The following KIAA0586 variants were observed in gnomAD, a reference collection of about 807,000 sequenced individuals.
KIAA0586 encodes the protein KIAA0586.
In KIAA0586, 144 loss-of-function variants were observed where a neutral mutation model predicts 169.8. The ratio of observed to expected loss-of-function variants is 0.85; its 90% confidence interval spans 0.74 to 0.97. The LOEUF (loss-of-function observed/expected upper bound fraction) is 0.97, where lower values mean the gene tolerates loss of function less well. KIAA0586 is among the 50% of genes least tolerant of loss of function. The pLI is 0.00. For synonymous variants in KIAA0586, 625 were observed against 612.4 expected (o/e 1.02, Z -0.30); for missense variants, 1,854 against 1,823.0 (o/e 1.02, Z -0.31).
At position 58,465,858 on chromosome 14, in the gene KIAA0586, A is replaced by G; in HGVS notation, c.2083A>G (p.Thr695Ala). 6.2e-7 allele frequency: 1 copy of G among 1,609,630 alleles called. No individual in the cohort carries two copies. The highest frequency in any genetic ancestry group is 1.3e-5 in the African/African-American group (1 of 74,902). The change falls in exon 15 of 31, where the codon ACA becomes GCA. Residue 695 changes from threonine to alanine, a missense_variant. Physicochemically the swap from Thr to Ala is moderately conservative, Grantham distance 58. Transcript: ENST00000652326. The stretch of plus-strand genomic sequence containing the variant: ...AGGCACTAAGGTAAAGTCAATAAGA[A>G]CACAGACTGACTTCTATGCAACAAA... ...VKGTKVKSIR[T>A]QTDFYATKPK...
chr14:58,461,720 G>A (rs192843752), intron 14 of KIAA0586, among the ~76,000 whole-genome samples: 4 of 152,312 alleles, frequency 2.6e-5, no homozygotes, highest in African/African-American at 7.2e-5. Flanking sequence ...AGACCTAGGT[G>A]CATTATGAAC....
intron 29 of KIAA0586, among the ~76,000 whole-genome samples, chr14:58,525,888 G>A (rs761256271): frequency 2.0e-4 from 30 of 152,138 alleles, no homozygotes; most frequent in Non-Finnish European, 3.1e-4. Flanking sequence ...AGGGGCGTCC[G>A]CCATTACTGA....
rs1000303570 is a variant in KIAA0586 at position 58,549,139 on chromosome 14, TC to T, written c.*1208del. On this transcript the variant is annotated 3_prime_UTR_variant, in exon 31 of 31. Coordinates refer to ENST00000652326, the MANE Select transcript of KIAA0586 (RefSeq NM_001329943.3). ...GAAAAAAATTTACCTCCCAGAAAAA[TC>T]ATTTTCTGTCACAACTGAATTTCAA... 6.6e-6 allele frequency: 1 copy of T among 152,052 alleles called. No individual in the cohort carries two copies. Among genetic ancestry groups the T allele is most frequent in the African/African-American group, 2.4e-5 (1 of 41,392 alleles). The allele number at this position is 152,052 out of a possible 1,614,324, so 9.4% of individuals were successfully genotyped here.
chr14:58,499,579 G>A (rs1352320589), intron 27 of KIAA0586, among the ~76,000 whole-genome samples: 3 of 150,808 alleles, frequency 2.0e-5, no homozygotes, highest in Non-Finnish European at 4.4e-5. Context: ...TTTTTTTGGA[G>A]ACGGAGTCTT....
At position 58,442,737 on chromosome 14, in the gene KIAA0586, A is replaced by G; in HGVS notation, c.442A>G (p.Lys148Glu). ...AAGCATGCCTGTTTTTAAGGAAGTA[A>G]AGGTACATCTGTTAGAAGATGCAGG... Reference protein sequence around the residue: ...AQSMPVFKEVKVHLLEDAGIE... With the variant: ...AQSMPVFKEVEVHLLEDAGIE... The change falls in exon 5 of 31, where the codon AAG (lysine) becomes GAG (glutamate). Residue 148 changes from lysine to glutamate, a missense_variant. Lys to Glu is a moderately conservative substitution (Grantham distance 56, BLOSUM62 1). Transcript: ENST00000652326. The G allele has an allele frequency of 4.4e-6, 7 of 1,583,856 alleles. No individual in the cohort carries two copies. Among genetic ancestry groups the G allele is most frequent in the Non-Finnish European group, 6.0e-6 (7 of 1,163,546 alleles).
At chr14:58,530,258 C>G (rs778299875) in intron 29 of KIAA0586, among the ~76,000 whole-genome samples, 17 of 152,138 alleles carry the variant, frequency 1.1e-4, no homozygotes, top group Non-Finnish European at 1.5e-4. Context: ...TGAAAAAGAC[C>G]ATACTGCCCA....
At chr14:58,499,943 A>G (rs1354268939) in intron 27 of KIAA0586, among the ~76,000 whole-genome samples, 1 of 152,236 alleles carries the variant, frequency 6.6e-6, no homozygotes, top group Non-Finnish European at 1.5e-5. Flanking sequence ...AGGTTAAATT[A>G]GATAATACTG....
rs551531986 is a variant in KIAA0586 at position 58,458,569 on chromosome 14, A to T, written c.1656+24A>T. The T allele has an allele frequency of 1.3e-5, 17 of 1,282,782 alleles. No individual in the cohort carries two copies. The Admixed American group carries it at 3.1e-4, about 24-fold the overall frequency. The allele number at this position is 1,282,782 out of a possible 1,614,324, so 79.5% of individuals were successfully genotyped here. A position where few individuals can be genotyped will look rare whatever the true frequency, so the allele number is the denominator to read the frequency against. On this transcript the variant is annotated intron_variant, in intron 12 of 30. Coordinates refer to ENST00000652326, the MANE Select transcript of KIAA0586 (RefSeq NM_001329943.3). ...AGGTATGTCTTGGAAAAAAACTGAA[A>T]ATTAAGTGAATTCTCAGAAGATAAT...
At chr14:58,486,965 G>A (rs775483301) in intron 21 of KIAA0586, 42 bp from the exon 22 acceptor site, 6 of 1,456,686 alleles carry the variant, frequency 4.1e-6, no homozygotes. Context: ...ACTTTTATTT[G>A]GGTGATTATA....
intron 24 of KIAA0586, 26 bp from the exon 25 acceptor site, chr14:58,490,138 C>G: frequency 9.5e-7 from 1 of 1,047,254 alleles, no homozygotes; most frequent in Non-Finnish European, 1.4e-6. Context: ...TTTTTTTTTT[C>G]TAAACTTTTA....
In KIAA0586 at chr14:58,512,510, TA is replaced by T; in HGVS notation, c.4324-9del. ...AAAATAATATTATGACTTCATATCT[TA>T]AATTATTTAGTACCAACTAAAGCAA... On this transcript the variant is annotated splice_polypyrimidine_tract_variant and intron_variant, in intron 28 of 30. Coordinates refer to ENST00000652326, the MANE Select transcript of KIAA0586 (RefSeq NM_001329943.3). 2 of 1,385,824 alleles carry T rather than the reference TA, an allele frequency of 1.4e-6. No homozygotes were observed. Among genetic ancestry groups the T allele is most frequent in the Non-Finnish European group, 1.9e-6 (2 of 1,033,942 alleles). The allele number at this position is 1,385,824 out of a possible 1,614,324, so 85.8% of individuals were successfully genotyped here.
At position 58,432,312 on chromosome 14, in the gene KIAA0586, GA is replaced by G. The variant is rs2037444170; in HGVS notation, c.341-75del. The G allele has an allele frequency of 1.1e-5, 10 of 891,960 alleles. No individual in the cohort carries two copies. The Middle Eastern group carries it at 1.3e-3, about 120-fold the overall frequency. The allele number at this position is 891,960 out of a possible 1,614,324, so 55.3% of individuals were successfully genotyped here. A position where few individuals can be genotyped will look rare whatever the true frequency, so the allele number is the denominator to read the frequency against. The stretch of plus-strand genomic sequence containing the variant: ...CCTAAACATTCTTTTAGTTAAAAAA[GA>G]TTTTTTTAGTAGCTTATTAAAGTTT... On this transcript the variant is annotated intron_variant, in intron 3 of 30. Transcript: ENST00000652326.
chr14:58,459,944 A>G lies in KIAA0586; in HGVS notation c.1758A>G (p.Thr586=). The G allele has an allele frequency of 1.3e-6, 2 of 1,532,672 alleles. No individual in the cohort carries two copies. Among genetic ancestry groups the G allele is most frequent in the Non-Finnish European group, 1.7e-6 (2 of 1,144,134 alleles). 94.9% of individuals were successfully genotyped at this position (1,532,672 alleles called of 1,614,324 possible). A position where few individuals can be genotyped will look rare whatever the true frequency, so the allele number is the denominator to read the frequency against. The change falls in exon 13 of 31, where the codon ACA becomes ACG. Residue 586 remains threonine (T), a synonymous_variant. Transcript: ENST00000652326. Reference sequence around the variant, plus strand: ...TGACTAAAGATATTAGAACCAACACACAAGATAAAACTGTCAACAAATCTG... The same window carrying G: ...TGACTAAAGATATTAGAACCAACACGCAAGATAAAACTGTCAACAAATCTG... The part of the protein sequence containing the change: ...QNMTKDIRTN[T]QDKTVNKSVI...
intron 8 of KIAA0586, among the ~76,000 whole-genome samples, chr14:58,452,893 A>G (rs1159624217): frequency 6.6e-6 from 1 of 151,268 alleles, no homozygotes; most frequent in Non-Finnish European, 1.5e-5. Context: ...TTATGGCCTA[A>G]ATTGTAGGCT....
chr14:58,453,567 G>T, intron 9 of KIAA0586, 94 bp downstream of exon 9: 2 of 811,104 alleles, frequency 2.5e-6, no homozygotes, highest in Non-Finnish European at 3.7e-6. Flanking sequence ...TTATAGCATT[G>T]CTTCTTAAAT....
chr14:58,466,464 A>C (rs949943112), intron 15 of KIAA0586, among the ~76,000 whole-genome samples: 1 of 152,166 alleles, frequency 6.6e-6, no homozygotes, highest in African/African-American at 2.4e-5. Context: ...GGCTGGGCAC[A>C]GTGGCTCATG....
intron 29 of KIAA0586, among the ~76,000 whole-genome samples, chr14:58,528,893 T>TA (rs1040669670): frequency 4.9e-4 from 74 of 151,924 alleles, no homozygotes; most frequent in African/African-American, 1.6e-3. Context: ...ACAAAACCCT[T>TA]AAAAAAATCA....
Position 58,460,045 on chromosome 14 carries a change from C to T in KIAA0586, c.1859C>T (p.Ser620Leu). Residue 620 changes from serine to leucine, a missense_variant, in exon 13 of 31, where the codon TCA (serine) becomes TTA (leucine). Physicochemically the swap from Ser to Leu is moderately radical, Grantham distance 145 (BLOSUM62 -2). Coordinates refer to ENST00000652326, the MANE Select transcript of KIAA0586 (RefSeq NM_001329943.3). Reference sequence around the variant, plus strand: ...CTACCTATGAGGGGCATGCCTGCTTCAAGTTTACAGAAAGAGAGAAAGGAA... The same window carrying T: ...CTACCTATGAGGGGCATGCCTGCTTTAAGTTTACAGAAAGAGAGAAAGGAA... ...RNLPMRGMPA[S>L]SLQKERKEGL... 1 of 1,526,906 alleles carries T rather than the reference C, an allele frequency of 6.5e-7. No homozygotes were observed. Among genetic ancestry groups the T allele is most frequent in the Non-Finnish European group, 8.8e-7 (1 of 1,140,838 alleles). 94.6% of individuals were successfully genotyped at this position (1,526,906 alleles called of 1,614,324 possible). A position where few individuals can be genotyped will look rare whatever the true frequency, so the allele number is the denominator to read the frequency against.
intron 30 of KIAA0586, among the ~76,000 whole-genome samples, chr14:58,546,840 A>G (rs762506805): frequency 1.3e-5 from 2 of 152,136 alleles, no homozygotes; most frequent in African/African-American, 2.4e-5. Context: ...ATTTTTTTTC[A>G]TATTTCATTA....
Sources: gnomAD v4.1 joint callset for allele counts (sites outside exome capture counted in the v4.1 genomes callset) on GRCh38, gnomAD v4.1.1 for gene constraint, MANE v1.5 for transcripts, NCBI Gene and HGNC (gene_info 2026-07-23, HGNC 2026-07-21) for gene names.